The following RBFOX1 variants were observed in gnomAD, a reference collection of about 807,000 sequenced individuals.
RBFOX1 encodes RNA binding protein fox-1 homolog 1.
A neutral mutation model predicts 57.7 loss-of-function variants in RBFOX1; 8 were observed. That is an observed-to-expected ratio of 0.14 (90% CI 0.08 to 0.25). The LOEUF (loss-of-function observed/expected upper bound fraction) is 0.25. Ranked by LOEUF, RBFOX1 falls within the 10% of genes least tolerant of loss-of-function variation. The pLI is 1.00. For missense variants in RBFOX1, 611 were observed against 548.5 expected, an observed-to-expected ratio of 1.11 and a Z score of -1.14; for synonymous variants, 326 against 222.4, an observed-to-expected ratio of 1.47 and a Z score of -4.15.
intron 1 of RBFOX1, among the ~76,000 whole-genome samples, chr16:5,281,754 T>G (rs1009191985): frequency 2.6e-5 from 4 of 152,324 alleles, no homozygotes; most frequent in Non-Finnish European, 5.9e-5. Flanking sequence ...CATGATTACT[T>G]TTGATTTCTG....
chr16:7,001,937 T>G (rs1458133723), intron 3 of RBFOX1, among the ~76,000 whole-genome samples: 1 of 152,148 alleles, frequency 6.6e-6, no homozygotes, highest in African/African-American at 2.4e-5. Flanking sequence ...TCTACTTTTT[T>G]TCTCCTGGAG....
chr16:5,884,794 G>T (rs570519183), intron 4 of RBFOX1, among the ~76,000 whole-genome samples: 1 of 152,238 alleles, frequency 6.6e-6, no homozygotes, highest in Non-Finnish European at 1.5e-5. Context: ...TAGTTGATGA[G>T]TGAGGTCCAG....
chr16:6,551,305 G>A (rs2096985148), intron 2 of RBFOX1, among the ~76,000 whole-genome samples: 1 of 152,114 alleles, frequency 6.6e-6, no homozygotes, highest in Non-Finnish European at 1.5e-5. Context: ...TTTGCTACTG[G>A]GATGGTCTAG....
chr16:6,812,366 C>T (rs575173290), intron 3 of RBFOX1, among the ~76,000 whole-genome samples: 1 of 151,776 alleles, frequency 6.6e-6, no homozygotes, highest in South Asian at 2.1e-4. Context: ...AGTTTTGGTT[C>T]AGTTTCTTAT....
At chr16:7,365,814 C>T (rs2097432656) in intron 4 of RBFOX1, among the ~76,000 whole-genome samples, 2 of 152,186 alleles carry the variant, frequency 1.3e-5, no homozygotes, top group African/African-American at 2.4e-5. Context: ...AGGGAAGATA[C>T]AGGTATCTCT....
rs116834916 is a variant in RBFOX1 at position 7,019,780 on chromosome 16, A to T, written c.-15-32277A>T. The stretch of plus-strand genomic sequence containing the variant: ...TTTGCCCACCAGGTTTAGCTTGTAC[A>T]AGGAAATACCCACGCCCCAATTCCC... On this transcript the variant is annotated intron_variant, in intron 3 of 15. Transcript: ENST00000550418. Among the ~76,000 whole-genome samples the T allele has an allele frequency of 2.9e-3, 447 of 152,322 alleles. 5 individuals carry two copies. The highest frequency in any genetic ancestry group is 0.01 in the African/African-American group (420 of 41,570).
chr16:6,139,604 C>G (rs1359963986), intron 1 of RBFOX1, among the ~76,000 whole-genome samples: 2 of 152,178 alleles, frequency 1.3e-5, no homozygotes, highest in African/African-American at 4.8e-5. Flanking sequence ...AAAAGTTATC[C>G]CCCAAATTGT....
chr16:5,621,676 G>C (rs1393130907), intron 3 of RBFOX1, among the ~76,000 whole-genome samples: 1 of 152,168 alleles, frequency 6.6e-6, no homozygotes, highest in Non-Finnish European at 1.5e-5. Flanking sequence ...TTAGGAAGAC[G>C]AGGATATGGA....
At chr16:5,656,648 G>T (rs2049440924) in intron 3 of RBFOX1, among the ~76,000 whole-genome samples, 2 of 152,118 alleles carry the variant, frequency 1.3e-5, no homozygotes, top group South Asian at 4.1e-4. Context: ...CTTAACATAA[G>T]ATCTGTAGCT....
At chr16:7,583,704 A>G (rs1204492148) in intron 6 of RBFOX1, among the ~76,000 whole-genome samples, 1 of 152,054 alleles carries the variant, frequency 6.6e-6, no homozygotes, top group Non-Finnish European at 1.5e-5. Context: ...TTGGCCAGGC[A>G]TGATGGTGGC....
At chr16:6,822,537 G>C (rs148158949) in intron 3 of RBFOX1, among the ~76,000 whole-genome samples, 2 of 152,228 alleles carry the variant, frequency 1.3e-5, no homozygotes, top group Non-Finnish European at 2.9e-5. Context: ...CGTGGCTAGA[G>C]ATAAAACATG....
intron 4 of RBFOX1, among the ~76,000 whole-genome samples, chr16:5,937,350 C>G (rs7185467): frequency 6.6e-6 from 1 of 151,920 alleles, no homozygotes; most frequent in South Asian, 2.1e-4. Context: ...GAACTGAAGA[C>G]CTCTACCTGC....
intron 4 of RBFOX1, among the ~76,000 whole-genome samples, chr16:7,081,517 A>G (rs913288788): frequency 1.1e-4 from 17 of 152,178 alleles, no homozygotes; most frequent in African/African-American, 3.9e-4. Flanking sequence ...AGAAGCACTC[A>G]TTTCTCACTA....
At position 6,725,213 on chromosome 16, in the gene RBFOX1, G is replaced by A. The variant is rs566354987; in HGVS notation, c.-16+70563G>A. On this transcript the variant is annotated intron_variant, in intron 3 of 15. Coordinates refer to ENST00000550418, the MANE Select transcript of RBFOX1 (RefSeq NM_018723.4). ...CTGCAGGCACCCGCCACCATGCCCA[G>A]CTAATTTTTTTGTATTTTTAGTAGG... Among the ~76,000 whole-genome samples, 4 of 151,962 alleles carry A rather than the reference G, an allele frequency of 2.6e-5. No individual in the cohort carries two copies. The South Asian group carries it at 8.3e-4, about 32-fold the overall frequency.
chr16:6,901,737 A>G (rs1188499989), intron 3 of RBFOX1, among the ~76,000 whole-genome samples: 2 of 152,202 alleles, frequency 1.3e-5, no homozygotes, highest in South Asian at 2.1e-4. Flanking sequence ...TTTGAAGTAA[A>G]TACTGCTTCA....
intron 3 of RBFOX1, among the ~76,000 whole-genome samples, chr16:5,645,983 G>A (rs1299979439): frequency 6.6e-6 from 1 of 152,010 alleles, no homozygotes; most frequent in Non-Finnish European, 1.5e-5. Flanking sequence ...CTATAGGCAA[G>A]TACTACCGCA....
chr16:5,948,793 A>T lies in RBFOX1; in HGVS notation c.351+81458A>T, dbSNP rs565237388. 1.2e-4 allele frequency among the ~76,000 whole-genome samples: 18 copies of T among 152,184 alleles called. No individual in the cohort carries two copies. The East Asian group carries it at 3.3e-3, about 28-fold the overall frequency. ...TGAGAGAATAATCTCCTGTTGTTTT[A>T]AGCTGCTTAGATTGTGTTACTTTCT... is the stretch of plus-strand genomic sequence containing the variant. On this transcript the variant is annotated intron_variant, in intron 4 of 19. Transcript: ENST00000641259.
At chr16:7,673,367 T>TTTTCC (rs1370633510) in intron 13 of RBFOX1, among the ~76,000 whole-genome samples, 1 of 152,116 alleles carries the variant, frequency 6.6e-6, no homozygotes, top group African/African-American at 2.4e-5. Context: ...GTTGTGGAAA[T>TTTTCC]TTTCCTTTCC....
chr16:6,815,924 C>G (rs1445264752), intron 3 of RBFOX1, among the ~76,000 whole-genome samples: 2 of 152,196 alleles, frequency 1.3e-5, no homozygotes, highest in Non-Finnish European at 2.9e-5. Context: ...AAAGGACTGT[C>G]TTGAGAAGTA....
Sources: allele counts gnomAD v4.1 joint callset (sites outside exome capture counted in the v4.1 genomes callset), GRCh38; gene constraint gnomAD v4.1.1; transcripts MANE v1.5; gene names NCBI Gene and HGNC (gene_info 2026-07-23, HGNC 2026-07-21).